Variants in LRRC7 observed in about 807,000 individuals in gnomAD.
LRRC7 encodes leucine-rich repeat-containing protein 7.
A neutral mutation model predicts 175.7 loss-of-function variants in LRRC7; 23 were observed. The observed-to-expected ratio is 0.13, with a 90% confidence interval of 0.09 to 0.19. LRRC7 has a LOEUF of 0.19. LRRC7 is among the 10% of genes least tolerant of loss of function. The pLI, the probability that LRRC7 is intolerant of heterozygous loss-of-function variation, is 1.00. For synonymous variants in LRRC7, 685 were observed against 680.9 expected (o/e 1.01, Z -0.09); for missense variants, 1,354 against 1,904.7 (o/e 0.71, Z 5.38).
chr1:69,910,443 G>C (rs1221883282), intron 7 of LRRC7, among the ~76,000 whole-genome samples: 10 of 152,186 alleles, frequency 6.6e-5, no homozygotes, highest in Non-Finnish European at 1.5e-4. Flanking sequence ...GTTTGCTAGA[G>C]GTCCACTCCA....
chr1:69,759,507 A>G (rs1670803321), intron 2 of LRRC7, among the ~76,000 whole-genome samples: 1 of 152,052 alleles, frequency 6.6e-6, no homozygotes, highest in Admixed American at 6.6e-5. Flanking sequence ...TACCATAATT[A>G]CAAGTTGTTT....
intron 26 of LRRC7, among the ~76,000 whole-genome samples, chr1:70,117,035 C>G (rs1352270412): frequency 6.6e-6 from 1 of 152,176 alleles, no homozygotes; most frequent in African/African-American, 2.4e-5. Context: ...TGCAAGATAT[C>G]AATGTACTAA....
rs5774987 is a variant in LRRC7 at position 69,620,269 on chromosome 1, A to AT, written c.2+51638dup. On this transcript the variant is annotated intron_variant, in intron 1 of 26. Transcript: ENST00000651989. ...TTTAAATGGATTGATAACTATTTAC[A>AT]TTTTTTTTTTACTTTTACACTCTAA... is the stretch of plus-strand genomic sequence containing the variant. 5.3e-4 allele frequency among the ~76,000 whole-genome samples: 80 copies of AT among 151,754 alleles called. 1 individual carries two copies. In the East Asian group the frequency reaches 0.011, roughly 21 times the overall value.
intron 2 of LRRC7, among the ~76,000 whole-genome samples, chr1:69,699,471 C>A (rs1014433746): frequency 6.6e-6 from 1 of 152,068 alleles, no homozygotes; most frequent in Non-Finnish European, 1.5e-5. Flanking sequence ...ACCCGGGAGG[C>A]AGAGGTTGCA....
chr1:69,947,166 CTTG>C (rs1649427082), intron 8 of LRRC7, among the ~76,000 whole-genome samples: 1 of 151,658 alleles, frequency 6.6e-6, no homozygotes, highest in Non-Finnish European at 1.5e-5. Context: ...AAGTGAATCT[CTTG>C]TAGACAGCTT....
At chr1:69,657,314 T>C (rs1270188290) in intron 1 of LRRC7, among the ~76,000 whole-genome samples, 1 of 151,894 alleles carries the variant, frequency 6.6e-6, no homozygotes, top group Non-Finnish European at 1.5e-5. Context: ...AAGACAACAA[T>C]TTATTGGAGT....
At chr1:69,943,982 A>G (rs930770714) in intron 8 of LRRC7, among the ~76,000 whole-genome samples, 1 of 150,210 alleles carries the variant, frequency 6.7e-6, no homozygotes, top group African/African-American at 2.4e-5. Context: ...ACACACACAC[A>G]CACACAACAT....
intron 8 of LRRC7, among the ~76,000 whole-genome samples, chr1:69,949,285 T>C (rs1290526524): frequency 6.6e-6 from 1 of 152,158 alleles, no homozygotes; most frequent in Non-Finnish European, 1.5e-5. Flanking sequence ...CTTAAAGATA[T>C]ATTAGGCTGG....
intron 7 of LRRC7, among the ~76,000 whole-genome samples, chr1:69,895,658 T>A (rs1645959513): frequency 6.6e-6 from 1 of 152,170 alleles, no homozygotes; most frequent in African/African-American, 2.4e-5. Flanking sequence ...GAGTCTGACT[T>A]TTCTGGAGTT....
chr1:69,717,795 AAAG>A, intron 2 of LRRC7, among the ~76,000 whole-genome samples: 1 of 35,888 alleles, frequency 2.8e-5, no homozygotes, highest in African/African-American at 1.6e-4. Context: ...AGAAAGAAAG[AAAG>A]AAAGAAAGAA....
At chr1:69,768,137 C>T (rs1442604328) in intron 3 of LRRC7, among the ~76,000 whole-genome samples, 2 of 152,130 alleles carry the variant, frequency 1.3e-5, no homozygotes, top group Non-Finnish European at 2.9e-5. Context: ...TGGCTTCAGT[C>T]ACTGGCCCAT....
chr1:69,646,336 T>C (rs1655006248), intron 1 of LRRC7, among the ~76,000 whole-genome samples: 1 of 152,146 alleles, frequency 6.6e-6, no homozygotes, highest in Admixed American at 6.6e-5. Context: ...GTTTACATTT[T>C]TCTTCATCTT....
chr1:69,904,629 T>C (rs1646239405), intron 7 of LRRC7, among the ~76,000 whole-genome samples: 1 of 152,210 alleles, frequency 6.6e-6, no homozygotes, highest in Non-Finnish European at 1.5e-5. Context: ...TCTTTTTAAC[T>C]TATTTAAATG....
chr1:70,117,078 G>A (rs1350521919), intron 26 of LRRC7, among the ~76,000 whole-genome samples: 1 of 152,100 alleles, frequency 6.6e-6, no homozygotes, highest in East Asian at 1.9e-4. Flanking sequence ...TATGTGTACT[G>A]GTCCTTTAAA....
chr1:69,804,058 C>G (rs957982423), intron 4 of LRRC7, among the ~76,000 whole-genome samples: 5 of 151,272 alleles, frequency 3.3e-5, no homozygotes, highest in Admixed American at 2.6e-4. Flanking sequence ...TATGTCCCTT[C>G]TTTTACTTTC....
chr1:69,925,379 C>G (rs918454244), intron 7 of LRRC7, among the ~76,000 whole-genome samples: 1 of 152,106 alleles, frequency 6.6e-6, no homozygotes, highest in Non-Finnish European at 1.5e-5. Flanking sequence ...GGAATGGTAC[C>G]AGTTCCTCCT....
At chr1:69,569,906 C>CAAA (rs71071364) in intron 1 of LRRC7, among the ~76,000 whole-genome samples, 43 of 87,076 alleles carry the variant, frequency 4.9e-4, no homozygotes, top group African/African-American at 1.4e-3. Flanking sequence ...AAAGGAATTA[C>CAAA]AAAAAAAAAA....
chr1:69,807,972 A>G (rs1677336219), intron 4 of LRRC7, among the ~76,000 whole-genome samples: 1 of 151,664 alleles, frequency 6.6e-6, no homozygotes. Context: ...ATAGTCCCAT[A>G]TTTCTTGGAG....
At chr1:69,991,638 C>T (rs544089292) in intron 10 of LRRC7, among the ~76,000 whole-genome samples, 7 of 152,260 alleles carry the variant, frequency 4.6e-5, no homozygotes, top group Admixed American at 3.9e-4. Context: ...CGAATTGCAT[C>T]GTGTCCTCCT....
Sources: gnomAD v4.1 joint callset for allele counts (sites outside exome capture counted in the v4.1 genomes callset) on GRCh38, gnomAD v4.1.1 for gene constraint, MANE v1.5 for transcripts, NCBI Gene and HGNC (gene_info 2026-07-23, HGNC 2026-07-21) for gene names.